Variants in CSMD1 observed in about 807,000 individuals in gnomAD.
CSMD1 encodes CUB and Sushi multiple domains 1.
CSMD1 carries 213 observed loss-of-function variants against 417.5 expected under a neutral mutation model. The ratio of observed to expected loss-of-function variants is 0.51; its 90% confidence interval spans 0.46 to 0.57. CSMD1 has a LOEUF of 0.57. CSMD1 is among the 20% of genes least tolerant of loss of function. The pLI is 0.00. For missense variants in CSMD1, 6,923 were observed against 4,529.7 expected (o/e 1.53, Z -15.17); for synonymous variants, 2,862 against 1,736.8 (o/e 1.65, Z -16.11).
intron 3 of CSMD1, among the ~76,000 whole-genome samples, chr8:4,126,534 G>A (rs61299396): frequency 2.0e-5 from 3 of 152,092 alleles, no homozygotes; most frequent in African/African-American, 7.2e-5. Context: ...GGTCAGTGCT[G>A]CAGGGAGGCC....
chr8:4,205,749 T>C (rs1227822058), intron 3 of CSMD1, among the ~76,000 whole-genome samples: 2 of 152,154 alleles, frequency 1.3e-5, no homozygotes, highest in East Asian at 1.9e-4. Flanking sequence ...CACTGTGAGA[T>C]GAACAGCTGT....
intron 5 of CSMD1, among the ~76,000 whole-genome samples, chr8:3,982,119 C>G (rs954944220): frequency 6.6e-6 from 1 of 150,840 alleles, no homozygotes; most frequent in Non-Finnish European, 1.5e-5. Flanking sequence ...GATTGCACAA[C>G]TGCACTCCAG....
intron 24 of CSMD1, 150 bp from the exon 25 acceptor site, chr8:3,307,971 T>C (rs1805014632): frequency 3.2e-6 from 3 of 924,308 alleles, no homozygotes; most frequent in Non-Finnish European, 4.7e-6. Flanking sequence ...CGTTTCAATA[T>C]TTCTTCCAAA....
At chr8:3,195,758 G>C (rs369533034) in intron 33 of CSMD1, among the ~76,000 whole-genome samples, 2 of 152,104 alleles carry the variant, frequency 1.3e-5, no homozygotes, top group African/African-American at 4.8e-5. Context: ...AACACTTTCT[G>C]CTTGATGCCA....
chr8:4,976,837 T>C (rs548527309), intron 1 of CSMD1, among the ~76,000 whole-genome samples: 1 of 152,152 alleles, frequency 6.6e-6, no homozygotes, highest in Non-Finnish European at 1.5e-5. Context: ...TTTAAGTAAG[T>C]GCCACTTTGG....
At chr8:3,500,192 T>C (rs917643311) in intron 10 of CSMD1, among the ~76,000 whole-genome samples, 6 of 152,308 alleles carry the variant, frequency 3.9e-5, no homozygotes, top group East Asian at 3.9e-4. Context: ...CTTTACTCTG[T>C]TGCTTCAGTA....
At chr8:3,005,730 G>A (rs958953586) in intron 52 of CSMD1, among the ~76,000 whole-genome samples, 4 of 152,132 alleles carry the variant, frequency 2.6e-5, no homozygotes, top group Non-Finnish European at 5.9e-5. Flanking sequence ...AACGCTTCAT[G>A]CTAAAAACTC....
At chr8:3,709,480 A>G (rs1168176240) in intron 6 of CSMD1, among the ~76,000 whole-genome samples, 2 of 151,984 alleles carry the variant, frequency 1.3e-5, no homozygotes, top group East Asian at 3.9e-4. Flanking sequence ...ATTGGGCCAG[A>G]GGAGATTCTG....
At chr8:3,289,643 C>A (rs1275049379) in intron 25 of CSMD1, among the ~76,000 whole-genome samples, 1 of 145,186 alleles carries the variant, frequency 6.9e-6, no homozygotes, top group Non-Finnish European at 1.5e-5. Context: ...AGTGTCTGTT[C>A]ATATCCTTTG....
At chr8:4,459,658 A>T (rs1040560211) in intron 2 of CSMD1, among the ~76,000 whole-genome samples, 1 of 152,220 alleles carries the variant, frequency 6.6e-6, no homozygotes, top group Non-Finnish European at 1.5e-5. Flanking sequence ...GGCCTCAAAA[A>T]TATCTCCTGC....
At chr8:4,142,102 T>G (rs991333124) in intron 3 of CSMD1, among the ~76,000 whole-genome samples, 1 of 151,160 alleles carries the variant, frequency 6.6e-6, no homozygotes, top group Non-Finnish European at 1.5e-5. Context: ...CCCTAATGTT[T>G]GAAGCAACAT....
intron 10 of CSMD1, among the ~76,000 whole-genome samples, chr8:3,508,165 A>G: frequency 6.6e-6 from 1 of 152,270 alleles, no homozygotes; most frequent in African/African-American, 2.4e-5. Context: ...ATAGGTGGGA[A>G]TTGAACAATG....
intron 14 of CSMD1, 133 bp downstream of exon 14, chr8:3,407,766 C>A: frequency 1.3e-6 from 1 of 792,684 alleles, no homozygotes; most frequent in Non-Finnish European, 2.0e-6. Context: ...AATTTTACTA[C>A]TGTCATTTTC....
intron 3 of CSMD1, among the ~76,000 whole-genome samples, chr8:4,296,201 A>G (rs891409153): frequency 8.5e-5 from 13 of 152,102 alleles, no homozygotes; most frequent in Non-Finnish European, 1.5e-4. Context: ...TCCTCAACTC[A>G]TCTCCAGCTG....
chr8:4,268,044 G>T lies in CSMD1; in HGVS notation c.415+151909C>A, dbSNP rs895292097. On this transcript the variant is annotated intron_variant, in intron 3 of 69. Coordinates refer to ENST00000635120, the MANE Select transcript of CSMD1 (RefSeq NM_033225.6). ...ATATATACGAGGTCATTCTTGAAAA[G>T]TGTGTTCACAATTTCAAAATCCTCG... Among the ~76,000 whole-genome samples, 24 of 152,158 alleles carry T rather than the reference G, an allele frequency of 1.6e-4. 1 individual carries two copies. The highest frequency in any genetic ancestry group is 8.5e-4 in the Admixed American group (13 of 15,276).
At chr8:3,208,232 G>A (rs1478996652) in intron 30 of CSMD1, among the ~76,000 whole-genome samples, 1 of 152,098 alleles carries the variant, frequency 6.6e-6, no homozygotes, top group African/African-American at 2.4e-5. Flanking sequence ...TCATCACTGG[G>A]CCAAAATTTT....
intron 2 of CSMD1, among the ~76,000 whole-genome samples, chr8:4,567,975 T>C (rs948466536): frequency 8.5e-5 from 13 of 152,310 alleles, no homozygotes; most frequent in Middle Eastern, 6.8e-3. Flanking sequence ...AGGACTGTTA[T>C]TTAACTTTGA....
At chr8:3,254,172 T>A (rs919645044) in intron 26 of CSMD1, among the ~76,000 whole-genome samples, 1 of 152,164 alleles carries the variant, frequency 6.6e-6, no homozygotes, top group East Asian at 1.9e-4. Flanking sequence ...GGGTTGAAAG[T>A]TCTTTTCTTT....
rs1197650560 is a variant in CSMD1 at position 4,823,850 on chromosome 8, T to G, written c.85+170482A>C. Among the ~76,000 whole-genome samples, 3 of 151,690 alleles carry G rather than the reference T, an allele frequency of 2.0e-5. No homozygotes were observed. In the East Asian group the frequency reaches 5.8e-4, roughly 29 times the overall value. On this transcript the variant is annotated intron_variant, in intron 1 of 69. Coordinates refer to ENST00000635120, the MANE Select transcript of CSMD1 (RefSeq NM_033225.6). Reference sequence around the variant, plus strand: ...ACAGAGGTTGAAGATAAATGAGGCTTGAGAGAATAAAAGGAAGGCTTAATA... The same window carrying G: ...ACAGAGGTTGAAGATAAATGAGGCTGGAGAGAATAAAAGGAAGGCTTAATA...
Sources: gnomAD v4.1 joint callset for allele counts (sites outside exome capture counted in the v4.1 genomes callset) on GRCh38, gnomAD v4.1.1 for gene constraint, MANE v1.5 for transcripts, NCBI Gene and HGNC (gene_info 2026-07-23, HGNC 2026-07-21) for gene names.